KCNQ4: variants seen among roughly 807,000 people sequenced by gnomAD.
KCNQ4 encodes the protein potassium voltage-gated channel subfamily Q member 4, also known as potassium voltage-gated channel subfamily KQT member 4.
In KCNQ4, 31 loss-of-function variants were observed where a neutral mutation model predicts 72.6. The observed-to-expected ratio is 0.43, with a 90% CI of 0.32 to 0.58. The LOEUF (loss-of-function observed/expected upper bound fraction) is 0.58, where lower values mean the gene tolerates loss of function less well. Ranked by LOEUF, KCNQ4 falls within the 20% of genes least tolerant of loss-of-function variation. The pLI is 0.08. For synonymous variants in KCNQ4, 405 were observed against 403.7 expected (o/e 1.00, Z -0.04); for missense variants, 869 against 962.6 (o/e 0.90, Z 1.29).
chr1:40,827,228 C>T (rs1002653488), intron 9 of KCNQ4, among the ~76,000 whole-genome samples: 7 of 152,092 alleles, frequency 4.6e-5, no homozygotes, highest in African/African-American at 7.2e-5. Context: ...ACTAGGGACA[C>T]GGTGATGAAT....
chr1:40,836,924 A>C (rs536345390), intron 12 of KCNQ4, among the ~76,000 whole-genome samples: 1 of 152,144 alleles, frequency 6.6e-6, no homozygotes, highest in South Asian at 2.1e-4. Context: ...GAGGTAGAGG[A>C]TAGAGATAAC....
Position 40,838,836 on chromosome 1 carries a change from C to T in KCNQ4, c.*313C>T, listed in dbSNP as rs574351459. On this transcript the variant is annotated 3_prime_UTR_variant, in exon 14 of 14. Transcript: ENST00000347132. ...TGGCCCACCTGGCAGGGGCACAGCC[C>T]CGGGAGTGGGAGCGGGCGCTGGGGC... The T allele has an allele frequency of 6.3e-6, 3 of 478,380 alleles. No homozygotes were observed. Among genetic ancestry groups the T allele is most frequent in the Admixed American group, 3.4e-5 (1 of 29,580 alleles). The allele number at this position is 478,380 out of a possible 1,614,324, so 29.6% of individuals were successfully genotyped here.
In KCNQ4 at chr1:40,817,358, A is replaced by G. The variant is rs762277715; in HGVS notation, c.405+3A>G. 1.2e-6 allele frequency: 2 copies of G among 1,612,518 alleles called. No individual in the cohort carries two copies. Among genetic ancestry groups the G allele is most frequent in the Non-Finnish European group, 1.7e-6 (2 of 1,179,018 alleles). ...CCAACGAGTGTCTCCTCATCTTGGTAAGTGCTGGGAGTCCGGGACTGAGGG... is the reference window on the plus strand; with the variant it reads ...CCAACGAGTGTCTCCTCATCTTGGTGAGTGCTGGGAGTCCGGGACTGAGGG... On this transcript the variant is annotated splice_donor_region_variant and intron_variant, in intron 2 of 13. Coordinates refer to ENST00000347132, the MANE Select transcript of KCNQ4 (RefSeq NM_004700.4). This position sits in a 1 kb window ranked among gnomAD's most constrained non-coding sequence, Gnocchi z 5.5.
chr1:40,787,437 T>G (rs1006771902), intron 1 of KCNQ4, among the ~76,000 whole-genome samples: 2 of 152,150 alleles, frequency 1.3e-5, no homozygotes, highest in African/African-American at 4.8e-5. Context: ...GCATTCGCCC[T>G]AGGGTATGCC....
intron 1 of KCNQ4, among the ~76,000 whole-genome samples, chr1:40,814,428 A>G (rs1417211233): frequency 1.3e-5 from 2 of 152,188 alleles, no homozygotes; most frequent in African/African-American, 4.8e-5. Flanking sequence ...ATTAGGAAAT[A>G]CTGGCTGGGC....
intron 1 of KCNQ4, among the ~76,000 whole-genome samples, chr1:40,785,842 G>C (rs931353801): frequency 6.6e-6 from 1 of 151,424 alleles, no homozygotes; most frequent in African/African-American, 2.4e-5. Context: ...GGGAGGGGCA[G>C]GGGGGGAAGA....
At chr1:40,810,867 G>A (rs1408796453) in intron 1 of KCNQ4, among the ~76,000 whole-genome samples, 1 of 152,168 alleles carries the variant, frequency 6.6e-6, no homozygotes, top group Admixed American at 6.5e-5. Context: ...GCATTAGTAG[G>A]GCCCGGTGGT....
At chr1:40,818,868 A>C in intron 4 of KCNQ4, 188 bp downstream of exon 4, 16 of 571,382 alleles carry the variant, frequency 2.8e-5, no homozygotes, top group Non-Finnish European at 2.5e-5. Context: ...TGAATTAGGT[A>C]GGGGCGGGCC....
At chr1:40,813,911 C>T (rs1255899121) in intron 1 of KCNQ4, among the ~76,000 whole-genome samples, 1 of 151,972 alleles carries the variant, frequency 6.6e-6, no homozygotes, top group East Asian at 1.9e-4. Context: ...GCAAGCCCAG[C>T]TGATTTCTTG....
chr1:40,791,269 G>A (rs1348095989), intron 1 of KCNQ4, among the ~76,000 whole-genome samples: 4 of 152,204 alleles, frequency 2.6e-5, no homozygotes, highest in African/African-American at 9.7e-5. Flanking sequence ...ACACAGTCGT[G>A]GTGGGCAAAT....
Position 40,784,376 on chromosome 1 carries a change from CG to C in KCNQ4, c.284del (p.Arg95ProfsTer44), listed in dbSNP as rs773336330. Reference protein sequence around the residue: ...NWVYNVLERPRGWAFVYHVFI... With the variant: ...NWVYNVLERPXGWAFVYHVFI... ...GGTCTACAACGTGCTGGAGCGGCCC[CG>C]CGGCTGGGCCTTCGTCTACCACGTC... On this transcript the variant is annotated frameshift_variant, in exon 1 of 14. Transcript: ENST00000347132. LOFTEE classifies it high-confidence loss of function. The surrounding 1 kb of genome is among the most constrained non-coding windows in gnomAD (Gnocchi z 4.1). 6.2e-7 allele frequency: 1 copy of C among 1,610,078 alleles called. No individual in the cohort carries two copies. Among genetic ancestry groups the C allele is most frequent in the Non-Finnish European group, 8.5e-7 (1 of 1,179,352 alleles).
At chr1:40,811,918 G>A (rs1213880570) in intron 1 of KCNQ4, among the ~76,000 whole-genome samples, 3 of 152,246 alleles carry the variant, frequency 2.0e-5, no homozygotes, top group African/African-American at 7.2e-5. Context: ...GAGAAACTGA[G>A]GTCCCAGAGG....
Position 40,812,943 on chromosome 1 carries a change from G to A in KCNQ4, c.315-4322G>A, listed in dbSNP as rs185939950. Among the ~76,000 whole-genome samples, 3 of 152,304 alleles carry A rather than the reference G, an allele frequency of 2.0e-5. No individual in the cohort carries two copies. The East Asian group carries it at 5.8e-4, about 29-fold the overall frequency. On this transcript the variant is annotated intron_variant, in intron 1 of 13. Coordinates refer to ENST00000347132, the MANE Select transcript of KCNQ4 (RefSeq NM_004700.4). ...ATAAGGGGCAAGAGAGTGGAGATGA[G>A]GCCATTCTTTCAGAGAGGGGATGGC...
intron 9 of KCNQ4, among the ~76,000 whole-genome samples, chr1:40,829,384 A>G (rs1193609251): frequency 6.6e-6 from 1 of 152,142 alleles, no homozygotes; most frequent in Non-Finnish European, 1.5e-5. Flanking sequence ...AGCATGCTGG[A>G]TAGTGGGAAC....
chr1:40,803,373 C>T lies in KCNQ4; in HGVS notation c.315-13892C>T, dbSNP rs74071704. ...TCCCAAGTCTTCAGCTGACTGGTGG[C>T]GGAGTCAGGAGACAGAACCCACCGA... On this transcript the variant is annotated intron_variant, in intron 1 of 13. Coordinates refer to ENST00000347132, the MANE Select transcript of KCNQ4 (RefSeq NM_004700.4). Among the ~76,000 whole-genome samples the T allele has an allele frequency of 5.9e-3, 903 of 152,308 alleles. 12 individuals are homozygous for T. Among genetic ancestry groups the T allele is most frequent in the African/African-American group, 0.021 (871 of 41,578 alleles).
intron 1 of KCNQ4, among the ~76,000 whole-genome samples, chr1:40,796,515 C>A (rs925725521): frequency 6.6e-6 from 1 of 152,146 alleles, no homozygotes; most frequent in Non-Finnish European, 1.5e-5. Flanking sequence ...AGGATTCTAA[C>A]CACAAGAGTC....
chr1:40,802,628 A>C (rs1647619154), intron 1 of KCNQ4, among the ~76,000 whole-genome samples: 1 of 152,090 alleles, frequency 6.6e-6, no homozygotes, highest in African/African-American at 2.4e-5. Flanking sequence ...GCTGAGGAGA[A>C]GGAGCCCGGG....
intron 9 of KCNQ4, among the ~76,000 whole-genome samples, chr1:40,827,333 C>G (rs148882653): frequency 6.6e-5 from 10 of 152,264 alleles, no homozygotes; most frequent in African/African-American, 1.4e-4. Context: ...GAGCCCGGGT[C>G]AGGCACACAA....
At chr1:40,837,091 CT>C (rs370300997) in intron 12 of KCNQ4, among the ~76,000 whole-genome samples, 137 of 93,018 alleles carry the variant, frequency 1.5e-3, no homozygotes, top group Admixed American at 2.2e-3. Flanking sequence ...CTTTTCTTTT[CT>C]TTTTTTTTTT....
Sources: gnomAD v4.1 joint callset for allele counts (sites outside exome capture counted in the v4.1 genomes callset) on GRCh38, gnomAD v4.1.1 for gene constraint, Gnocchi (gnomAD v3.1) non-coding constraint, MANE v1.5 for transcripts, NCBI Gene and HGNC (gene_info 2026-07-23, HGNC 2026-07-21) for gene names.